TENM1: variants seen among roughly 807,000 people sequenced by gnomAD.
The protein encoded by TENM1 is teneurin-1.
Under a neutral mutation model 174.8 loss-of-function variants are expected in TENM1, and 35 were observed. The ratio of observed to expected loss-of-function variants is 0.20; its 90% confidence interval spans 0.15 to 0.27. TENM1 has a LOEUF of 0.27. Among genes scored for constraint, TENM1 ranks in the 10% least tolerant of loss-of-function variants. The pLI is 1.00. For missense variants in TENM1, 1,633 were observed against 2,130.1 expected (o/e 0.77, Z 4.59); for synonymous variants, 781 against 798.7 (o/e 0.98, Z 0.37).
Position 124,883,641 on chromosome X carries a change from A to G in TENM1, c.535+10655T>C, listed in dbSNP as rs112945430. The stretch of plus-strand genomic sequence containing the variant: ...GGCCAGCAGGTGTGGCATGGACAGT[A>G]GCAGTAGCAGTGACAAGACAACCTT... On this transcript the variant is annotated intron_variant, in intron 3 of 31. Coordinates refer to ENST00000422452, the Ensembl canonical transcript of TENM1. 5.3e-3 allele frequency among the ~76,000 whole-genome samples: 593 copies of G among 112,370 alleles called. 5 individuals are homozygous for G. The highest frequency in any genetic ancestry group is 0.018 in the African/African-American group (556 of 30,943).
intron 8 of TENM1, among the ~76,000 whole-genome samples, chrX:124,648,863 G>A (rs2051227325): frequency 8.9e-6 from 1 of 111,890 alleles, no homozygotes; most frequent in African/African-American, 3.2e-5. Context: ...GTTTAATAAA[G>A]CTTGCTATCA....
the TENM1 span, among the ~76,000 whole-genome samples, chrX:125,061,628 T>C: frequency 8.9e-6 from 1 of 111,868 alleles, no homozygotes; most frequent in African/African-American, 3.3e-5. Context: ...TGTCAAAAAC[T>C]AATTCTGCCT....
the TENM1 span, among the ~76,000 whole-genome samples, chrX:125,119,482 C>T: frequency 9.2e-6 from 1 of 108,314 alleles, no homozygotes; most frequent in Admixed American, 9.9e-5. Context: ...GGACCCAACA[C>T]CTATTTACAT....
intron 20 of TENM1, among the ~76,000 whole-genome samples, chrX:124,487,637 T>C (rs1224696715): frequency 1.8e-5 from 2 of 111,654 alleles, no homozygotes; most frequent in Non-Finnish European, 3.8e-5. Flanking sequence ...GGCTGGCAAT[T>C]CTGATGCAAA....
chrX:124,585,402 A>G (rs1277827956), intron 11 of TENM1, among the ~76,000 whole-genome samples: 1 of 111,302 alleles, frequency 9.0e-6, no homozygotes, highest in African/African-American at 3.3e-5. Flanking sequence ...CCGCTCAACT[A>G]CATGGAAACT....
chrX:124,951,655 T>C (rs189440902), intron 1 of TENM1, among the ~76,000 whole-genome samples: 1,429 of 52,351 alleles, frequency 0.027, 31 homozygotes, highest in African/African-American at 0.071. Flanking sequence ...TATATATATA[T>C]ATATATATAT....
chrX:125,072,820 C>T, the TENM1 span, among the ~76,000 whole-genome samples: 1 of 111,777 alleles, frequency 8.9e-6, no homozygotes, highest in Non-Finnish European at 1.9e-5. Flanking sequence ...AAATCTTATG[C>T]TCTTACGCTA....
chrX:125,132,101 T>G, the TENM1 span, among the ~76,000 whole-genome samples: 2 of 112,053 alleles, frequency 1.8e-5, no homozygotes, highest in Admixed American at 1.9e-4. Context: ...GTGCATGGCC[T>G]TGGAACTAGT....
At chrX:124,566,669 C>T (rs1158014150) in intron 11 of TENM1, among the ~76,000 whole-genome samples, 2 of 112,236 alleles carry the variant, frequency 1.8e-5, no homozygotes, top group African/African-American at 6.5e-5. Flanking sequence ...TATTAATATT[C>T]TCCACAGATA....
chrX:125,123,322 C>T, the TENM1 span, among the ~76,000 whole-genome samples: 1 of 110,324 alleles, frequency 9.1e-6, no homozygotes, highest in Non-Finnish European at 1.9e-5. Flanking sequence ...TGGTGGTTCA[C>T]CCCCAGAAGT....
At chrX:124,778,214 G>C in intron 3 of TENM1, among the ~76,000 whole-genome samples, 1 of 112,760 alleles carries the variant, frequency 8.9e-6, no homozygotes, top group East Asian at 2.8e-4. Context: ...CCTGCGCACT[G>C]GGAGGACGAG....
At chrX:124,868,940 C>G (rs775064020) in intron 3 of TENM1, among the ~76,000 whole-genome samples, 10 of 109,787 alleles carry the variant, frequency 9.1e-5, no homozygotes, top group Non-Finnish European at 1.9e-4. Context: ...TGTGATCTCA[C>G]CCGGCTGGGC....
At chrX:124,495,520 A>C (rs967897564) in intron 20 of TENM1, among the ~76,000 whole-genome samples, 1 of 109,943 alleles carries the variant, frequency 9.1e-6, no homozygotes, top group African/African-American at 3.3e-5. Context: ...TAGTTTAATT[A>C]GATCCCATTT....
chrX:124,957,219 A>T (rs776752695), intron 1 of TENM1, among the ~76,000 whole-genome samples: 16 of 106,125 alleles, frequency 1.5e-4, no homozygotes, highest in African/African-American at 5.7e-4. Context: ...GGATGGATGG[A>T]TGGTTGGATG....
At chrX:124,615,503 C>T (rs2050378510) in intron 11 of TENM1, among the ~76,000 whole-genome samples, 1 of 112,015 alleles carries the variant, frequency 8.9e-6, no homozygotes, top group African/African-American at 3.2e-5. Context: ...TAACAATTGG[C>T]AAAGAGCATT....
At chrX:124,390,968 C>T (rs936039551) in intron 28 of TENM1, among the ~76,000 whole-genome samples, 4 of 112,189 alleles carry the variant, frequency 3.6e-5, no homozygotes, top group African/African-American at 9.7e-5. Flanking sequence ...GGACTCCTTC[C>T]TTTTGCCCTG....
At chrX:125,072,653 A>G in the TENM1 span, among the ~76,000 whole-genome samples, 1 of 111,514 alleles carries the variant, frequency 9.0e-6, no homozygotes, top group Non-Finnish European at 1.9e-5. Context: ...AACATGGCAC[A>G]TGTATACATA....
intron 3 of TENM1, among the ~76,000 whole-genome samples, chrX:124,812,788 G>A (rs2055812844): frequency 9.0e-6 from 1 of 111,465 alleles, no homozygotes; most frequent in Non-Finnish European, 1.9e-5. Flanking sequence ...AATACATGAT[G>A]TAAGAAAGTA....
At chrX:124,711,074 T>C (rs1456960321) in intron 4 of TENM1, among the ~76,000 whole-genome samples, 1 of 111,801 alleles carries the variant, frequency 8.9e-6, no homozygotes, top group Non-Finnish European at 1.9e-5. Flanking sequence ...ACAGAGCAAA[T>C]GATAAAAATG....
Sources: allele counts gnomAD v4.1 joint callset (sites outside exome capture counted in the v4.1 genomes callset), GRCh38; gene constraint gnomAD v4.1.1; transcripts MANE v1.5; gene names NCBI Gene and HGNC (gene_info 2026-07-23, HGNC 2026-07-21).